Variants in BICRAL observed in about 807,000 individuals in gnomAD.
BICRAL encodes BRD4-interacting chromatin-remodeling complex-associated protein-like.
Under a neutral mutation model 91.8 loss-of-function variants are expected in BICRAL, and 8 were observed. The ratio of observed to expected loss-of-function variants is 0.09; its 90% CI spans 0.05 to 0.16. The LOEUF is 0.16. Among genes scored for constraint, BICRAL ranks in the 10% least tolerant of loss-of-function variants. BICRAL has a pLI of 1.00. For missense variants in BICRAL, 1,038 were observed against 1,310.9 expected, an observed-to-expected ratio of 0.79 and a Z score of 3.21; for synonymous variants, 445 against 491.1, an observed-to-expected ratio of 0.91 and a Z score of 1.24.
intron 1 of BICRAL, among the ~76,000 whole-genome samples, chr6:42,794,411 CTGTGTGTGTGTGTGTGTGTGTGTGTGTG>C (rs67384767): frequency 6.8e-6 from 1 of 146,418 alleles, no homozygotes; most frequent in Admixed American, 7.0e-5. Flanking sequence ...TTCACTTACT[CTGTGTGTGTGTGTGTGTGTGTGTGTGTG>C]TGTGTGTGTG....
intron 1 of BICRAL, among the ~76,000 whole-genome samples, chr6:42,749,755 CCT>C (rs1762347780): frequency 6.6e-6 from 1 of 151,994 alleles, no homozygotes; most frequent in Non-Finnish European, 1.5e-5. Context: ...CACTTCCCCA[CCT>C]CTCACCCTGA....
intron 12 of BICRAL, 76 bp downstream of exon 12, chr6:42,862,688 C>A: frequency 1.1e-6 from 1 of 895,942 alleles, no homozygotes; most frequent in South Asian, 1.4e-5. Flanking sequence ...GGCAGTCTGT[C>A]TGAACTTTGG....
chr6:42,812,252 A>T (rs1240803601), intron 2 of BICRAL, among the ~76,000 whole-genome samples: 1 of 152,140 alleles, frequency 6.6e-6, no homozygotes, highest in Non-Finnish European at 1.5e-5. Flanking sequence ...TGAGGCCAGG[A>T]GTATGAGACC....
At chr6:42,775,383 C>T (rs1762792984) in intron 1 of BICRAL, among the ~76,000 whole-genome samples, 1 of 152,172 alleles carries the variant, frequency 6.6e-6, no homozygotes, top group African/African-American at 2.4e-5. Context: ...TGTGGTAGCA[C>T]CTTAAAGCCT....
chr6:42,752,117 C>G (rs1762390120), intron 1 of BICRAL, among the ~76,000 whole-genome samples: 1 of 152,010 alleles, frequency 6.6e-6, no homozygotes, highest in Non-Finnish European at 1.5e-5. Context: ...TACTTTCTGG[C>G]AGGAAGACAG....
chr6:42,769,375 C>T lies in BICRAL; in HGVS notation c.-260-12464C>T, dbSNP rs540516898. On this transcript the variant is annotated intron_variant, in intron 1 of 14. Coordinates refer to the BICRAL transcript ENST00000614467. Reference sequence around the variant, plus strand: ...CCAGCTTCTCCCAGAGTGAGCGATCCAGAGAGCACCCAAGATGGGAAGCTT... The same window carrying T: ...CCAGCTTCTCCCAGAGTGAGCGATCTAGAGAGCACCCAAGATGGGAAGCTT... 1.5e-4 allele frequency among the ~76,000 whole-genome samples: 23 copies of T among 152,302 alleles called. 1 individual carries two copies. The Middle Eastern group carries it at 0.02, about 135-fold the overall frequency.
intron 1 of BICRAL, among the ~76,000 whole-genome samples, chr6:42,768,544 C>T (rs1219066080): frequency 6.6e-6 from 1 of 152,152 alleles, no homozygotes; most frequent in African/African-American, 2.4e-5. Context: ...AGTGAGCTTG[C>T]TCAGATTAGC....
chr6:42,788,890 G>GAT (rs1368417896), intron 1 of BICRAL, among the ~76,000 whole-genome samples: 4 of 152,042 alleles, frequency 2.6e-5, no homozygotes, highest in Admixed American at 2.6e-4. Context: ...TTAGTTGTGT[G>GAT]ATTTTTTTTT....
chr6:42,800,980 C>T (rs1763551577), intron 1 of BICRAL, among the ~76,000 whole-genome samples: 1 of 152,124 alleles, frequency 6.6e-6, no homozygotes, highest in African/African-American at 2.4e-5. Context: ...CGGCCAGGCA[C>T]AGTGACTCAT....
chr6:42,793,253 C>T (rs1320452028), intron 1 of BICRAL, among the ~76,000 whole-genome samples: 2 of 130,260 alleles, frequency 1.5e-5, no homozygotes, highest in South Asian at 2.6e-4. Flanking sequence ...ATGCCATTCT[C>T]CTGCCTCAGC....
chr6:42,776,170 C>T lies in BICRAL; in HGVS notation c.-260-5669C>T, dbSNP rs1011476738. ...CCGAGTAGCTGGGATTACAGGCACC[C>T]GCCACCACACCTGGCTAATTCTTGT... On this transcript the variant is annotated intron_variant, in intron 1 of 14. Coordinates refer to the BICRAL transcript ENST00000614467. 6.0e-5 allele frequency among the ~76,000 whole-genome samples: 9 copies of T among 149,832 alleles called. No homozygotes were observed. In the East Asian group the frequency reaches 6.0e-4, roughly 10 times the overall value.
chr6:42,844,835 C>T (rs950976219), intron 6 of BICRAL, among the ~76,000 whole-genome samples: 1 of 152,012 alleles, frequency 6.6e-6, no homozygotes, highest in Admixed American at 6.6e-5. Context: ...TTTTTCACAG[C>T]TGATGAGAAG....
chr6:42,750,434 G>A (rs1762357661), intron 1 of BICRAL, among the ~76,000 whole-genome samples: 1 of 152,126 alleles, frequency 6.6e-6, no homozygotes, highest in African/African-American at 2.4e-5. Context: ...GAAGTGCTGG[G>A]ACTACAGGTG....
chr6:42,830,587 T>C (rs988344418), intron 6 of BICRAL, among the ~76,000 whole-genome samples: 3 of 152,128 alleles, frequency 2.0e-5, no homozygotes, highest in African/African-American at 2.4e-5. Context: ...TTTACACTTA[T>C]GACTGGTTAT....
chr6:42,858,291 C>A (rs186614381), intron 10 of BICRAL, among the ~76,000 whole-genome samples: 1 of 143,726 alleles, frequency 7.0e-6, no homozygotes. Context: ...TGAGGCAGGC[C>A]GATCACCTGA....
chr6:42,821,876 C>T lies in BICRAL; in HGVS notation c.-5-142C>T, dbSNP rs573621032. ...AATGACCTCAAAATTTTTAAAATTA[C>T]ATTAATATTAAGCAGAGGAAAACTC... On this transcript the variant is annotated intron_variant, in intron 2 of 12. Transcript: ENST00000314073. The T allele has an allele frequency of 2.8e-5, 13 of 466,462 alleles. 1 individual carries two copies. In the East Asian group the frequency reaches 4.3e-4, roughly 15 times the overall value. The allele number at this position is 466,462 out of a possible 1,614,324, so 28.9% of individuals were successfully genotyped here.
intron 1 of BICRAL, among the ~76,000 whole-genome samples, chr6:42,783,174 C>G (rs1762979842): frequency 6.6e-6 from 1 of 151,618 alleles, no homozygotes; most frequent in Non-Finnish European, 1.5e-5. Context: ...CGGCGCGCAC[C>G]TGCCGCGGGA....
chr6:42,863,587 G>A (rs1347663541), intron 12 of BICRAL, among the ~76,000 whole-genome samples: 1 of 152,162 alleles, frequency 6.6e-6, no homozygotes, highest in African/African-American at 2.4e-5. Context: ...AGACAGATAG[G>A]TTTTCTGTTT....
chr6:42,788,061 CTAATTA>C (rs1314105492), intron 1 of BICRAL, among the ~76,000 whole-genome samples: 1 of 150,716 alleles, frequency 6.6e-6, no homozygotes, highest in Non-Finnish European at 1.5e-5. Context: ...TGTAACCCAA[CTAATTA>C]AAAAAAAATT....
Sources: gnomAD v4.1 joint callset for allele counts (sites outside exome capture counted in the v4.1 genomes callset) on GRCh38, gnomAD v4.1.1 for gene constraint, MANE v1.5 for transcripts, NCBI Gene and HGNC (gene_info 2026-07-23, HGNC 2026-07-21) for gene names.